Variants in WNK2 observed in about 807,000 individuals in gnomAD.
The protein encoded by WNK2 is WNK lysine deficient protein kinase 2, also known as serine/threonine-protein kinase WNK2.
A neutral mutation model predicts 192.1 loss-of-function variants in WNK2; 67 were observed. The ratio of observed to expected loss-of-function variants is 0.35; its 90% confidence interval spans 0.29 to 0.43. The LOEUF (loss-of-function observed/expected upper bound fraction) is 0.43. Ranked by LOEUF, WNK2 falls within the 20% of genes least tolerant of loss-of-function variation. WNK2 has a pLI of 1.00. For synonymous variants in WNK2, 1,439 were observed against 1,393.9 expected, an observed-to-expected ratio of 1.03 and a Z score of -0.72; for missense variants, 2,698 against 3,089.7, an observed-to-expected ratio of 0.87 and a Z score of 3.01.
chr9:93,262,580 G>C, intron 13 of WNK2, 90 bp from the exon 14 acceptor site: 1 of 1,425,952 alleles, frequency 7.0e-7, no homozygotes, highest in South Asian at 1.2e-5. Context: ...CTGAGGAAGT[G>C]GGGAGGGAGA....
intron 19 of WNK2, chr9:93,269,023 G>A (rs560815868): frequency 1.2e-5 from 16 of 1,350,504 alleles, no homozygotes; most frequent in Middle Eastern, 1.8e-4. Flanking sequence ...GAAGAGCTCC[G>A]CTGTCCTTCC....
intron 2 of WNK2, among the ~76,000 whole-genome samples, chr9:93,189,710 T>A (rs1312677367): frequency 6.6e-6 from 1 of 152,250 alleles, no homozygotes; most frequent in African/African-American, 2.4e-5. Flanking sequence ...AGTGCTGAGC[T>A]GGCCCGTCAT....
chr9:93,279,593 A>G (rs1465449697), intron 19 of WNK2, among the ~76,000 whole-genome samples: 1 of 152,232 alleles, frequency 6.6e-6, no homozygotes, highest in Admixed American at 6.5e-5. Flanking sequence ...ACATGAAAAC[A>G]CAAAGGGCAT....
chr9:93,240,393 G>C (rs1213018395), intron 7 of WNK2, among the ~76,000 whole-genome samples: 1 of 152,162 alleles, frequency 6.6e-6, no homozygotes, highest in Non-Finnish European at 1.5e-5. Flanking sequence ...TGGGAGCACT[G>C]TTACATTGGG....
chr9:93,294,306 C>T (rs1274408001), intron 23 of WNK2, among the ~76,000 whole-genome samples: 1 of 152,182 alleles, frequency 6.6e-6, no homozygotes, highest in East Asian at 1.9e-4. Flanking sequence ...GAGGAGGGAA[C>T]TGGAGCTGCT....
At chr9:93,243,469 G>A (rs771295098) in intron 7 of WNK2, among the ~76,000 whole-genome samples, 5 of 152,134 alleles carry the variant, frequency 3.3e-5, no homozygotes, top group South Asian at 2.1e-4. Context: ...CTTCACCCCC[G>A]CTTCTGCATC....
rs1231192850 is a variant in WNK2, at chr9:93,259,458, G to A, written c.2910G>A (p.Pro970=). ...TGCCCCCTCAACCTGTGTTGCCCCC[G>A]CAACCCACACGGCCCCCTCAACCTG... ...PTLPPQPVLP[P]QPTRPPQPVL... is the part of the protein sequence containing the mutation. Residue 970 remains proline (P), a synonymous_variant, in exon 12 of 30, where the codon CCG becomes CCA. Coordinates refer to ENST00000427277, the MANE Select transcript of WNK2 (RefSeq NM_006648.4). This position sits in a 1 kb window ranked among gnomAD's most constrained non-coding sequence, Gnocchi z 4.8. The A allele has an allele frequency of 5.2e-6, 7 of 1,346,132 alleles. No individual in the cohort carries two copies. The highest frequency in any genetic ancestry group is 5.0e-5 in the Admixed American group (2 of 40,082). The allele number at this position is 1,346,132 out of a possible 1,614,324, so 83.4% of individuals were successfully genotyped here.
chr9:93,271,155 T>A (rs1227487768), intron 19 of WNK2, among the ~76,000 whole-genome samples: 1 of 152,192 alleles, frequency 6.6e-6, no homozygotes. Context: ...CCAGTACACC[T>A]GTTTCAGATG....
intron 19 of WNK2, among the ~76,000 whole-genome samples, chr9:93,272,499 A>T (rs940719704): frequency 1.3e-5 from 2 of 151,910 alleles, no homozygotes; most frequent in African/African-American, 4.8e-5. Flanking sequence ...GCACTTTGGG[A>T]GCCCAAGTTC....
chr9:93,311,609 T>TGTTTGTGTGTG (rs1554755193), intron 28 of WNK2, among the ~76,000 whole-genome samples: 4 of 30,746 alleles, frequency 1.3e-4, no homozygotes, highest in Admixed American at 4.2e-4. Flanking sequence ...CTGGGTTTTT[T>TGTTTGTGTGTG]TGTTTGTGTG....
chr9:93,288,925 G>C lies in WNK2; in HGVS notation c.4171G>C (p.Val1391Leu), dbSNP rs757008837. The C allele has an allele frequency of 2.5e-6, 4 of 1,606,932 alleles. 1 individual carries two copies. The South Asian group carries it at 4.4e-5, about 18-fold the overall frequency. The change falls in exon 20 of 30, where the codon GTG (valine) becomes CTG (leucine). Residue 1391 changes from valine (V) to leucine (L), a missense_variant. By Grantham distance (32) the Val-to-Leu change is conservative (BLOSUM62 1). This residue lies in a region of WNK2 where 1,098 missense variants were observed against 1,101.0 expected (regional missense o/e 1.00). Coordinates refer to ENST00000427277, the MANE Select transcript of WNK2 (RefSeq NM_006648.4). Reference protein sequence around the residue: ...PAPLAPSSPPVTALPQDGAAP... With the variant: ...PAPLAPSSPPLTALPQDGAAP... ...CCCTTTGGCCCCCTCCTCCCCTCCT[G>C]TGACTGCTCTGCCCCAAGATGGAGC...
chr9:93,205,952 G>A (rs982754462), intron 2 of WNK2, among the ~76,000 whole-genome samples: 6 of 152,016 alleles, frequency 3.9e-5, no homozygotes, highest in Non-Finnish European at 7.3e-5. Context: ...TGAGCCTCAG[G>A]TAAAGCCACC....
intron 19 of WNK2, among the ~76,000 whole-genome samples, chr9:93,274,515 C>CAAAAAAAAA (rs67350876): frequency 2.5e-5 from 3 of 118,396 alleles, no homozygotes; most frequent in South Asian, 2.6e-4. Context: ...CCGTCTCAAC[C>CAAAAAAAAA]AAAAAAAAAA....
chr9:93,306,842 C>A (rs760194487), intron 27 of WNK2, 21 bp downstream of exon 27: 3 of 1,613,932 alleles, frequency 1.9e-6, no homozygotes, highest in Non-Finnish European at 2.5e-6. Flanking sequence ...GGGTTTTTTC[C>A]CCTTTGTCCT....
chr9:93,275,860 C>G (rs1313678701), intron 19 of WNK2, among the ~76,000 whole-genome samples: 3 of 152,144 alleles, frequency 2.0e-5, no homozygotes, highest in African/African-American at 7.2e-5. Flanking sequence ...TTTATAGGAG[C>G]TCCCCCAAAA....
chr9:93,212,048 CTT>C (rs947925272), intron 2 of WNK2, among the ~76,000 whole-genome samples: 5 of 152,230 alleles, frequency 3.3e-5, no homozygotes, highest in African/African-American at 1.2e-4. Context: ...CTCATTCACT[CTT>C]TTGCTCACCA....
chr9:93,231,070 C>A lies in WNK2; in HGVS notation c.1037C>A (p.Ala346Asp). 1 of 1,613,912 alleles carries A rather than the reference C, an allele frequency of 6.2e-7. No individual in the cohort carries two copies. The highest frequency in any genetic ancestry group is 8.5e-7 in the Non-Finnish European group (1 of 1,179,860). The change falls in exon 4 of 30, where the codon GCC becomes GAC. Residue 346 changes from alanine (A) to aspartate (D), a missense_variant. Transcript: ENST00000427277. Reference sequence around the variant, plus strand: ...GTGAAGATTGGCGACTTGGGCCTGGCCACTCTGAAAAGAGCGTCATTTGCC... The same window carrying A: ...GTGAAGATTGGCGACTTGGGCCTGGACACTCTGAAAAGAGCGTCATTTGCC... Reference protein sequence around the residue: ...GSVKIGDLGLATLKRASFAKS... With the variant: ...GSVKIGDLGLDTLKRASFAKS...
At chr9:93,292,169 T>C (rs1849465371) in intron 21 of WNK2, 139 bp from the exon 22 acceptor site, 1 of 825,490 alleles carries the variant, frequency 1.2e-6, no homozygotes, top group South Asian at 1.6e-5. Context: ...AGCTGGCTCC[T>C]CCCAGTACCC....
intron 24 of WNK2, among the ~76,000 whole-genome samples, chr9:93,298,847 A>C (rs1851070721): frequency 6.6e-6 from 1 of 152,198 alleles, no homozygotes; most frequent in Admixed American, 6.5e-5. Flanking sequence ...ATATTTGCTC[A>C]ACACAAGTCC....
Sources: gnomAD v4.1 joint callset for allele counts (sites outside exome capture counted in the v4.1 genomes callset) on GRCh38, gnomAD v4.1.1 for gene constraint, gnomAD v4.1.1 regional missense constraint, Gnocchi (gnomAD v3.1) non-coding constraint, MANE v1.5 for transcripts, NCBI Gene and HGNC (gene_info 2026-07-23, HGNC 2026-07-21) for gene names.